SGCD: variants seen among roughly 807,000 people sequenced by gnomAD.
The protein encoded by SGCD is delta-sarcoglycan.
A neutral mutation model predicts 36.6 loss-of-function variants in SGCD; 18 were observed. The observed-to-expected ratio is 0.49, with a 90% CI of 0.34 to 0.73. The LOEUF (loss-of-function observed/expected upper bound fraction) is 0.73, where lower values mean the gene tolerates loss of function less well. Among genes scored for constraint, SGCD ranks in the 30% least tolerant of loss-of-function variants. SGCD has a pLI of 0.01. For missense variants in SGCD, 387 were observed against 346.7 expected, an observed-to-expected ratio of 1.12 and a Z score of -0.92; for synonymous variants, 133 against 130.6, an observed-to-expected ratio of 1.02 and a Z score of -0.12.
At chr5:155,825,532 T>C in the SGCD span, among the ~76,000 whole-genome samples, 6 of 152,290 alleles carry the variant, frequency 3.9e-5, no homozygotes, top group African/African-American at 1.2e-4. Flanking sequence ...CGTCTCCATA[T>C]GGTTCAAGGA....
intron 3 of SGCD, among the ~76,000 whole-genome samples, chr5:156,386,430 C>T (rs1771281603): frequency 6.6e-6 from 1 of 152,188 alleles, no homozygotes; most frequent in Non-Finnish European, 1.5e-5. Flanking sequence ...TACATGTGGC[C>T]AAGGGTTATA....
chr5:156,202,732 G>A (rs1232446260), intron 3 of SGCD, among the ~76,000 whole-genome samples: 3 of 149,704 alleles, frequency 2.0e-5, no homozygotes, highest in Non-Finnish European at 3.0e-5. Flanking sequence ...TCATGAAAAC[G>A]CAGTGGAGTA....
chr5:156,699,153 C>T (rs1022888662), intron 7 of SGCD, among the ~76,000 whole-genome samples: 1 of 152,188 alleles, frequency 6.6e-6, no homozygotes, highest in Non-Finnish European at 1.5e-5. Flanking sequence ...AAGACTTACT[C>T]AGCAGAGACA....
rs530096086 is a variant in SGCD at position 156,079,256 on chromosome 5, C to T, written c.-281-38622C>T. 7.9e-5 allele frequency among the ~76,000 whole-genome samples: 12 copies of T among 152,202 alleles called. No individual in the cohort carries two copies. In the East Asian group the frequency reaches 1.6e-3, roughly 20 times the overall value. ...ACTGAGCCACGAGGGATCTGCCCCG[C>T]ATGACCCAAATCCCTCCCACCAGGC... On this transcript the variant is annotated intron_variant, in intron 1 of 9. Transcript: ENST00000517913.
At chr5:156,259,652 T>C (rs112679594) in intron 3 of SGCD, among the ~76,000 whole-genome samples, 278 of 152,306 alleles carry the variant, frequency 1.8e-3, no homozygotes, top group African/African-American at 6.3e-3. Flanking sequence ...TAATATCTGC[T>C]ATGGTTTGAA....
At chr5:156,338,159 C>T (rs562794772) in intron 2 of SGCD, among the ~76,000 whole-genome samples, 165 of 69,718 alleles carry the variant, frequency 2.4e-3, no homozygotes, top group African/African-American at 0.011. Flanking sequence ...AGGAAGTTCA[C>T]TGGGTTTTTT....
chr5:155,737,677 T>C, the SGCD span, among the ~76,000 whole-genome samples: 1 of 152,082 alleles, frequency 6.6e-6, no homozygotes, highest in South Asian at 2.1e-4. Flanking sequence ...AGAGCCAGTG[T>C]AGAACTCAGG....
intron 1 of SGCD, among the ~76,000 whole-genome samples, chr5:155,874,828 T>C (rs1360128707): frequency 2.0e-5 from 3 of 152,152 alleles, no homozygotes; most frequent in African/African-American, 4.8e-5. Flanking sequence ...TACAAAATGC[T>C]ACCACTGCTT....
rs1581150686 is a variant in SGCD, at chr5:156,179,658, A to T, written c.-44+55639A>T. ...TTTTTTTGAGACCGATTCTCACTCT[A>T]TTGCCCAGGCTGGAGTGCACTGGCG... On this transcript the variant is annotated intron_variant, in intron 3 of 9. Coordinates refer to the SGCD transcript ENST00000517913. Among the ~76,000 whole-genome samples, 7 of 131,966 alleles carry T rather than the reference A, an allele frequency of 5.3e-5. No individual in the cohort carries two copies. In the South Asian group the frequency reaches 1.4e-3, roughly 26 times the overall value. 86.6% of individuals were successfully genotyped at this position (131,966 alleles called of 152,430 possible). A position where few individuals can be genotyped will look rare whatever the true frequency, so the allele number is the denominator to read the frequency against.
intron 3 of SGCD, among the ~76,000 whole-genome samples, chr5:156,426,817 T>A (rs1773692861): frequency 6.6e-6 from 1 of 152,164 alleles, no homozygotes; most frequent in Non-Finnish European, 1.5e-5. Context: ...CCCCACTTTA[T>A]GTTTTTGTTT....
chr5:156,255,102 G>A (rs1266471134), intron 3 of SGCD, among the ~76,000 whole-genome samples: 5 of 151,982 alleles, frequency 3.3e-5, no homozygotes, highest in African/African-American at 4.8e-5. Flanking sequence ...TATATGAAAC[G>A]TAAATGAATT....
rs1458066813 is a variant in SGCD at position 156,616,255 on chromosome 5, A to G, written c.502+21204A>G. Among the ~76,000 whole-genome samples the G allele has an allele frequency of 3.9e-5, 6 of 152,208 alleles. 1 individual carries two copies. Among genetic ancestry groups the G allele is most frequent in the Non-Finnish European group, 7.3e-5 (5 of 68,040 alleles). On this transcript the variant is annotated intron_variant, in intron 6 of 8. Coordinates refer to ENST00000337851, the MANE Select transcript of SGCD (RefSeq NM_000337.6). Reference sequence around the variant, plus strand: ...TATTCTGTGTGGACTGTCATGGACCATAGGTCCATCCTTGAACTAGTTAGT... The same window carrying G: ...TATTCTGTGTGGACTGTCATGGACCGTAGGTCCATCCTTGAACTAGTTAGT...
chr5:156,306,512 G>A lies in SGCD; in HGVS notation c.-43-23022G>A, dbSNP rs139087567. Among the ~76,000 whole-genome samples, 417 of 152,280 alleles carry A rather than the reference G, an allele frequency of 2.7e-3. 4 individuals are homozygous for A. The highest frequency in any genetic ancestry group is 9.4e-3 in the African/African-American group (389 of 41,544). On this transcript the variant is annotated intron_variant, in intron 3 of 9. Transcript: ENST00000517913. Reference sequence around the variant, plus strand: ...TATGTCTTTATCAGCAGCATGAAAAGGGACTAATATAGTAGTGCTGTTTTC... The same window carrying A: ...TATGTCTTTATCAGCAGCATGAAAAAGGACTAATATAGTAGTGCTGTTTTC...
chr5:155,986,144 A>C (rs1354283084), intron 1 of SGCD, among the ~76,000 whole-genome samples: 1 of 152,188 alleles, frequency 6.6e-6, no homozygotes, highest in Non-Finnish European at 1.5e-5. Flanking sequence ...CCTGTATCCT[A>C]TGACCAAATA....
At chr5:155,859,062 T>A in the SGCD span, among the ~76,000 whole-genome samples, 1 of 151,974 alleles carries the variant, frequency 6.6e-6, no homozygotes, top group Non-Finnish European at 1.5e-5. Context: ...GGTTTTCTTT[T>A]CTTTTCTTTT....
the SGCD span, among the ~76,000 whole-genome samples, chr5:155,776,847 A>G: frequency 2.0e-5 from 3 of 152,280 alleles, no homozygotes; most frequent in South Asian, 2.1e-4. Flanking sequence ...CATGAACCAC[A>G]TGTTTTAAAA....
chr5:156,554,556 T>C (rs1758935579), intron 4 of SGCD, among the ~76,000 whole-genome samples: 1 of 150,540 alleles, frequency 6.6e-6, no homozygotes, highest in Non-Finnish European at 1.5e-5. Context: ...AACATATGTA[T>C]CTATGTTTAA....
intron 3 of SGCD, among the ~76,000 whole-genome samples, chr5:156,296,248 A>T (rs1162071487): frequency 1.3e-5 from 2 of 152,124 alleles, no homozygotes; most frequent in Non-Finnish European, 2.9e-5. Context: ...GGGGAGGTGG[A>T]TGTATAAGGC....
At chr5:155,955,161 T>C (rs889948719) in intron 1 of SGCD, among the ~76,000 whole-genome samples, 3 of 152,098 alleles carry the variant, frequency 2.0e-5, no homozygotes, top group African/African-American at 7.2e-5. Flanking sequence ...GAAGTTAATC[T>C]TATCCAGGAA....
Sources: gnomAD v4.1 joint callset for allele counts (sites outside exome capture counted in the v4.1 genomes callset) on GRCh38, gnomAD v4.1.1 for gene constraint, MANE v1.5 for transcripts, NCBI Gene and HGNC (gene_info 2026-07-23, HGNC 2026-07-21) for gene names.